CACNA1D: variants seen among roughly 807,000 people sequenced by gnomAD.
CACNA1D encodes the protein voltage-dependent L-type calcium channel subunit alpha-1D.
In CACNA1D, 55 loss-of-function variants were observed where a neutral mutation model predicts 257.1. That is an observed-to-expected ratio of 0.21 (90% CI 0.17 to 0.27). The LOEUF (loss-of-function observed/expected upper bound fraction) is 0.27, where lower values mean the gene tolerates loss of function less well. CACNA1D is among the 10% of genes least tolerant of loss of function. CACNA1D has a pLI of 1.00. For missense variants in CACNA1D, 1,876 were observed against 2,784.0 expected (o/e 0.67, Z 7.34); for synonymous variants, 980 against 1,014.9 (o/e 0.97, Z 0.65).
chr3:53,754,263 G>A (rs1444153614), intron 29 of CACNA1D, among the ~76,000 whole-genome samples: 9 of 152,172 alleles, frequency 5.9e-5, no homozygotes, highest in East Asian at 1.9e-4. Context: ...AACTGTGCTC[G>A]ACGACTCAGC....
intron 3 of CACNA1D, among the ~76,000 whole-genome samples, chr3:53,598,589 A>G (rs1328408517): frequency 7.7e-6 from 1 of 130,694 alleles, no homozygotes; most frequent in Non-Finnish European, 1.6e-5. Flanking sequence ...TCATCTCCAG[A>G]AAAAAAAAAA....
intron 3 of CACNA1D, among the ~76,000 whole-genome samples, chr3:53,638,477 G>A (rs1394850824): frequency 6.6e-6 from 1 of 152,210 alleles, no homozygotes; most frequent in Admixed American, 6.5e-5. Flanking sequence ...CTGGGGCAGG[G>A]CAGTGAGTGT....
intron 37 of CACNA1D, among the ~76,000 whole-genome samples, chr3:53,777,696 C>A (rs1280186735): frequency 2.0e-5 from 3 of 152,114 alleles, no homozygotes; most frequent in African/African-American, 4.8e-5. Context: ...GGAAATGGGG[C>A]CCCTTTGCTG....
At chr3:53,745,241 C>CTTTTTTTT (rs59246445) in intron 23 of CACNA1D, among the ~76,000 whole-genome samples, 1 of 144,476 alleles carries the variant, frequency 6.9e-6, no homozygotes. Context: ...AGCATTTCTT[C>CTTTTTTTT]TTTTTTTTTT....
chr3:53,686,758 A>G (rs2094476674), intron 8 of CACNA1D, among the ~76,000 whole-genome samples: 2 of 152,022 alleles, frequency 1.3e-5, no homozygotes, highest in Admixed American at 6.6e-5. Flanking sequence ...CAAAGTAACC[A>G]TTTTTCTATC....
chr3:53,666,159 GGCA>G (rs2094260263), intron 6 of CACNA1D, among the ~76,000 whole-genome samples, 177 bp from the exon 7 acceptor site: 1 of 151,520 alleles, frequency 6.6e-6, no homozygotes, highest in African/African-American at 2.5e-5. Flanking sequence ...AAGAGGAAAT[GGCA>G]GATTCCGCTA....
chr3:53,651,616 T>TGGAA (rs1222661213), intron 4 of CACNA1D, among the ~76,000 whole-genome samples: 1 of 152,222 alleles, frequency 6.6e-6, no homozygotes, highest in Non-Finnish European at 1.5e-5. Context: ...CTTCCACACC[T>TGGAA]GGAAATGTTG....
chr3:53,738,028 C>G (rs979542584), intron 20 of CACNA1D, among the ~76,000 whole-genome samples: 5 of 152,202 alleles, frequency 3.3e-5, no homozygotes, highest in Non-Finnish European at 5.9e-5. Context: ...GAAGCAGCAG[C>G]CTGTTGACTC....
At chr3:53,749,512 A>G (rs944205979) in intron 27 of CACNA1D, 43 bp downstream of exon 27, 1 of 1,372,050 alleles carries the variant, frequency 7.3e-7, no homozygotes, top group African/African-American at 1.4e-5. Flanking sequence ...CTTGGTCAGG[A>G]GCGGAGTGCC....
chr3:53,530,991 G>A (rs1053931053), intron 3 of CACNA1D, among the ~76,000 whole-genome samples: 8 of 150,764 alleles, frequency 5.3e-5, no homozygotes, highest in Non-Finnish European at 1.0e-4. Context: ...GGGACTATAA[G>A]AGTCCCACCA....
chr3:53,683,870 A>C (rs917027193), intron 8 of CACNA1D, among the ~76,000 whole-genome samples: 1 of 152,202 alleles, frequency 6.6e-6, no homozygotes, highest in Non-Finnish European at 1.5e-5. Context: ...GAAAAATTTT[A>C]AGATAAATAA....
chr3:53,537,200 A>G (rs1418124613), intron 3 of CACNA1D, among the ~76,000 whole-genome samples: 5 of 152,228 alleles, frequency 3.3e-5, no homozygotes, highest in African/African-American at 1.2e-4. Flanking sequence ...TGTTTATACT[A>G]GAATATATAT....
At chr3:53,608,941 C>T (rs541293828) in intron 3 of CACNA1D, among the ~76,000 whole-genome samples, 3 of 152,058 alleles carry the variant, frequency 2.0e-5, no homozygotes, top group Non-Finnish European at 4.4e-5. Context: ...TTATAGTTTT[C>T]TTTCTTTAAA....
At chr3:53,594,636 G>GGC (rs2093348132) in intron 3 of CACNA1D, among the ~76,000 whole-genome samples, 2 of 152,264 alleles carry the variant, frequency 1.3e-5, no homozygotes, top group Admixed American at 6.5e-5. Context: ...GAATTTTCCA[G>GGC]GCGGAAGGAA....
chr3:53,743,656 C>T (rs564279875), intron 22 of CACNA1D, among the ~76,000 whole-genome samples: 73 of 152,280 alleles, frequency 4.8e-4, no homozygotes, highest in African/African-American at 1.4e-3. Flanking sequence ...TGGCATTTAG[C>T]GATTTCTGGT....
chr3:53,531,955 C>A (rs551575140), intron 3 of CACNA1D, among the ~76,000 whole-genome samples: 4 of 152,286 alleles, frequency 2.6e-5, no homozygotes, highest in Middle Eastern at 3.4e-3. Context: ...CAGGTGTGTG[C>A]TTGCTCTACA....
rs2095439364 is a variant in CACNA1D at position 53,783,940 on chromosome 3, C to T, written c.4792+2273C>T. On this transcript the variant is annotated intron_variant, in intron 39 of 47. Transcript: ENST00000350061. Reference sequence around the variant, plus strand: ...TAAGGCCAGCCTCCACTCCAAGTGGCTGGGACTGGCAGATGTGGGGTGCTC... The same window carrying T: ...TAAGGCCAGCCTCCACTCCAAGTGGTTGGGACTGGCAGATGTGGGGTGCTC... Among the ~76,000 whole-genome samples, 3 of 152,232 alleles carry T rather than the reference C, an allele frequency of 2.0e-5. No individual in the cohort carries two copies. In the South Asian group the frequency reaches 6.2e-4, roughly 32 times the overall value.
intron 3 of CACNA1D, among the ~76,000 whole-genome samples, chr3:53,503,718 C>T (rs2090700033): frequency 6.6e-6 from 1 of 152,014 alleles, no homozygotes; most frequent in African/African-American, 2.4e-5. Context: ...CCTTTTGCAC[C>T]CCTTCTCCAG....
At chr3:53,655,097 C>G (rs1345870462) in intron 4 of CACNA1D, among the ~76,000 whole-genome samples, 1 of 152,146 alleles carries the variant, frequency 6.6e-6, no homozygotes, top group East Asian at 1.9e-4. Flanking sequence ...CGTTAGTTTG[C>G]TAAGGATAAT....
Sources: gnomAD v4.1 joint callset for allele counts (sites outside exome capture counted in the v4.1 genomes callset) on GRCh38, gnomAD v4.1.1 for gene constraint, MANE v1.5 for transcripts, NCBI Gene and HGNC (gene_info 2026-07-23, HGNC 2026-07-21) for gene names.